STXBP5L: variants seen among roughly 807,000 people sequenced by gnomAD.
STXBP5L encodes the protein syntaxin binding protein 5L.
Under a neutral mutation model 144.5 loss-of-function variants are expected in STXBP5L, and 65 were observed. The ratio of observed to expected loss-of-function variants is 0.45; its 90% confidence interval spans 0.37 to 0.55. The LOEUF is 0.55. Among genes scored for constraint, STXBP5L ranks in the 20% least tolerant of loss-of-function variants. The pLI is 0.00. For missense variants in STXBP5L, 1,298 were observed against 1,405.5 expected (o/e 0.92, Z 1.22); for synonymous variants, 505 against 469.6 (o/e 1.08, Z -0.97).
At chr3:121,026,362 G>A (rs1205435363) in intron 3 of STXBP5L, among the ~76,000 whole-genome samples, 2 of 151,936 alleles carry the variant, frequency 1.3e-5, no homozygotes, top group Admixed American at 6.6e-5. Context: ...CTTTCCTTAA[G>A]AGACAACCAC....
intron 3 of STXBP5L, among the ~76,000 whole-genome samples, chr3:120,988,079 T>C (rs113871138): frequency 0.019 from 2,933 of 151,884 alleles, 91 homozygotes; most frequent in African/African-American, 0.066. Context: ...TATTTTTTTT[T>C]CAAGAACTAG....
chr3:121,392,407 C>A (rs1488223498), intron 22 of STXBP5L, among the ~76,000 whole-genome samples: 1 of 152,168 alleles, frequency 6.6e-6, no homozygotes. Context: ...CCGTGGGCTG[C>A]ACCCACTATC....
chr3:121,145,607 TGAA>T (rs2045685343), intron 7 of STXBP5L, among the ~76,000 whole-genome samples: 1 of 151,844 alleles, frequency 6.6e-6, no homozygotes, highest in East Asian at 1.9e-4. Context: ...AGAACAGAGA[TGAA>T]GAAAAGAATA....
chr3:121,004,198 C>A (rs1168289268), intron 3 of STXBP5L, among the ~76,000 whole-genome samples: 4 of 152,116 alleles, frequency 2.6e-5, no homozygotes, highest in Admixed American at 6.5e-5. Flanking sequence ...AATGTTCTTC[C>A]ATTTGTTTGT....
chr3:121,147,366 T>G (rs1204554001), intron 7 of STXBP5L, among the ~76,000 whole-genome samples: 4 of 152,130 alleles, frequency 2.6e-5, no homozygotes, highest in Non-Finnish European at 5.9e-5. Flanking sequence ...ATAGCTTCTA[T>G]GTCATAGAAG....
At chr3:121,251,866 G>T (rs1043499458) in intron 15 of STXBP5L, among the ~76,000 whole-genome samples, 1 of 152,086 alleles carries the variant, frequency 6.6e-6, no homozygotes, top group Admixed American at 6.6e-5. Flanking sequence ...AGGATTAAAA[G>T]ATCTAAACCC....
chr3:121,178,647 G>C (rs767372334), intron 9 of STXBP5L, among the ~76,000 whole-genome samples: 1 of 152,102 alleles, frequency 6.6e-6, no homozygotes, highest in Non-Finnish European at 1.5e-5. Context: ...ATCTCCACTG[G>C]GGAATCTGAA....
In STXBP5L at chr3:120,938,004, T is replaced by C. The variant is rs200821609; in HGVS notation, c.190-16936T>C. 5.9e-5 allele frequency among the ~76,000 whole-genome samples: 9 copies of C among 152,224 alleles called. No homozygotes were observed. In the East Asian group the frequency reaches 1.7e-3, roughly 29 times the overall value. Reference sequence around the variant, plus strand: ...AGATGTATCCAGCATTCTTTTTCTTTTAAAAGTTTTTTTTTATTTTACAAG... The same window carrying C: ...AGATGTATCCAGCATTCTTTTTCTTCTAAAAGTTTTTTTTTATTTTACAAG... On this transcript the variant is annotated intron_variant, in intron 2 of 26. Transcript: ENST00000471454.
intron 18 of STXBP5L, among the ~76,000 whole-genome samples, chr3:121,275,086 A>C (rs2050841405): frequency 6.6e-6 from 1 of 152,174 alleles, no homozygotes; most frequent in African/African-American, 2.4e-5. Flanking sequence ...CCAGGTACTC[A>C]TCTGTTCTAC....
Position 121,208,713 on chromosome 3 carries a change from A to G in STXBP5L, c.956+2712A>G, listed in dbSNP as rs2048436087. 2.0e-5 allele frequency among the ~76,000 whole-genome samples: 3 copies of G among 152,156 alleles called. No individual in the cohort carries two copies. In the South Asian group the frequency reaches 6.2e-4, roughly 32 times the overall value. On this transcript the variant is annotated intron_variant, in intron 10 of 26. Transcript: ENST00000471454. ...TTCAAGGATTATTAAGGTGCAGGAC[A>G]CTATATTAACTGTTCCTAGCAGCTT...
chr3:121,224,379 T>A (rs1039479466), intron 11 of STXBP5L, among the ~76,000 whole-genome samples: 1 of 152,156 alleles, frequency 6.6e-6, no homozygotes, highest in African/African-American at 2.4e-5. Context: ...TAGCACTTTA[T>A]TTCCAAAGTT....
At chr3:120,954,919 G>T (rs1173135826) in intron 2 of STXBP5L, 21 bp from the exon 3 acceptor site, 4 of 1,590,798 alleles carry the variant, frequency 2.5e-6, no homozygotes, top group Non-Finnish European at 2.6e-6. Context: ...AGACTTATTG[G>T]TATTATTTGC....
chr3:120,925,361 T>A (rs1709566382), intron 2 of STXBP5L, among the ~76,000 whole-genome samples: 1 of 152,200 alleles, frequency 6.6e-6, no homozygotes, highest in Non-Finnish European at 1.5e-5. Context: ...GCGTTGTTAT[T>A]TATAATCATT....
At position 121,424,629 on chromosome 3, in the gene STXBP5L, C is replaced by T. The variant is rs555409898; in HGVS notation, c.*5532C>T. The T allele has an allele frequency of 5.3e-5, 8 of 152,280 alleles. No homozygotes were observed. Among genetic ancestry groups the T allele is most frequent in the Admixed American group, 1.3e-4 (2 of 15,296 alleles). 9.4% of individuals were successfully genotyped at this position (152,280 alleles called of 1,614,324 possible). ...CATCATTGATGTATCTTTCTTTCAT[C>T]TTCAGAATTTTTGCATCTTTTCAGA... On this transcript the variant is annotated 3_prime_UTR_variant, in exon 27 of 27. Coordinates refer to ENST00000471454, the MANE Select transcript of STXBP5L (RefSeq NM_001308330.2).
chr3:121,277,668 T>A (rs2050926565), intron 18 of STXBP5L, among the ~76,000 whole-genome samples: 1 of 152,038 alleles, frequency 6.6e-6, no homozygotes, highest in Admixed American at 6.6e-5. Flanking sequence ...ATTCTTTATA[T>A]GCCTGCTACT....
At chr3:121,313,774 G>A (rs1276346955) in intron 19 of STXBP5L, among the ~76,000 whole-genome samples, 5 of 141,122 alleles carry the variant, frequency 3.5e-5, no homozygotes, top group African/African-American at 1.3e-4. Context: ...GTGGCTGCCG[G>A]GCGGAGACGC....
chr3:121,338,505 G>T (rs192985808), intron 20 of STXBP5L, among the ~76,000 whole-genome samples: 2 of 149,784 alleles, frequency 1.3e-5, no homozygotes, highest in African/African-American at 4.9e-5. Flanking sequence ...TTAGCTGGGG[G>T]TGGTGGTGCC....
intron 3 of STXBP5L, among the ~76,000 whole-genome samples, chr3:120,963,005 G>A (rs1240123273): frequency 6.6e-6 from 1 of 152,144 alleles, no homozygotes; most frequent in Non-Finnish European, 1.5e-5. Flanking sequence ...CTTGTTAGTT[G>A]GATTCCTAGG....
chr3:121,277,162 T>C (rs2050910417), intron 18 of STXBP5L, among the ~76,000 whole-genome samples: 1 of 152,044 alleles, frequency 6.6e-6, no homozygotes, highest in Non-Finnish European at 1.5e-5. Flanking sequence ...CACCAGTAGA[T>C]TTGATGTCTG....
Sources: allele counts gnomAD v4.1 joint callset (sites outside exome capture counted in the v4.1 genomes callset), GRCh38; gene constraint gnomAD v4.1.1; transcripts MANE v1.5; gene names NCBI Gene and HGNC (gene_info 2026-07-23, HGNC 2026-07-21).